PKD1L1: variants seen among roughly 807,000 people sequenced by gnomAD.
PKD1L1 encodes the protein polycystin 1 like 1, transient receptor potential channel interacting.
PKD1L1 carries 236 observed loss-of-function variants against 323.4 expected under a neutral mutation model. That is an observed-to-expected ratio of 0.73 (90% CI 0.66 to 0.81). The LOEUF is 0.81. Ranked by LOEUF, PKD1L1 falls within the 40% of genes least tolerant of loss-of-function variation. The pLI is 0.00. For missense variants in PKD1L1, 3,320 were observed against 3,508.0 expected, an observed-to-expected ratio of 0.95 and a Z score of 1.35; for synonymous variants, 1,344 against 1,335.0, an observed-to-expected ratio of 1.01 and a Z score of -0.15.
chr7:47,952,883 CCT>C (rs980348298), upstream of PKD1L1, among the ~76,000 whole-genome samples: 18 of 152,090 alleles, frequency 1.2e-4, no homozygotes, highest in Admixed American at 1.3e-4. Flanking sequence ...ATAAATGGCA[CCT>C]CTCTCTTCTG....
intron 16 of PKD1L1, among the ~76,000 whole-genome samples, chr7:47,890,309 A>G (rs1422215207): frequency 1.3e-5 from 2 of 152,200 alleles, no homozygotes; most frequent in African/African-American, 2.4e-5. Context: ...CGGCTGTGCC[A>G]GCTTTAGCTA....
chr7:47,775,283 C>G (rs1786542907), intron 56 of PKD1L1, 117 bp from the exon 57 acceptor site: 2 of 1,130,826 alleles, frequency 1.8e-6, no homozygotes, highest in Admixed American at 2.5e-5. Context: ...CATCAGCTAA[C>G]TTGACCAAGG....
intron 7 of PKD1L1, among the ~76,000 whole-genome samples, chr7:47,917,448 G>C (rs1787453325): frequency 6.6e-6 from 1 of 152,126 alleles, no homozygotes; most frequent in African/African-American, 2.4e-5. Flanking sequence ...CCTTGCTAGA[G>C]ACCCAGACAT....
upstream of PKD1L1, chr7:47,948,532 C>A: frequency 7.6e-7 from 1 of 1,307,532 alleles, no homozygotes; most frequent in South Asian, 1.2e-5. Flanking sequence ...TTAATGCTTC[C>A]AGCTTCTGTA....
In PKD1L1 at chr7:47,861,678, C is replaced by T. The variant is rs1011508841; in HGVS notation, c.4150-2793G>A. The stretch of plus-strand genomic sequence containing the variant: ...CGGGCGGATCACAAGGTCAGGAGAT[C>T]GAGACCATCCTGGCTAACACAGTGA... On this transcript the variant is annotated intron_variant, in intron 26 of 56. Transcript: ENST00000289672. Among the ~76,000 whole-genome samples the T allele has an allele frequency of 4.6e-5, 7 of 151,574 alleles. No individual in the cohort carries two copies. In the East Asian group the frequency reaches 1.2e-3, roughly 25 times the overall value.
chr7:47,788,603 A>AT (rs201264261), intron 56 of PKD1L1, among the ~76,000 whole-genome samples: 45 of 136,964 alleles, frequency 3.3e-4, no homozygotes, highest in South Asian at 2.3e-4. Flanking sequence ...TTTAATTTTA[A>AT]TTTTTTTTTT....
At chr7:47,826,019 C>T (rs1785234605) in intron 45 of PKD1L1, among the ~76,000 whole-genome samples, 1 of 152,118 alleles carries the variant, frequency 6.6e-6, no homozygotes, top group Non-Finnish European at 1.5e-5. Flanking sequence ...TTGGTTAGTT[C>T]TGAGGGCTGA....
At chr7:47,904,263 G>A (rs759362387) in intron 12 of PKD1L1, 115 bp downstream of exon 12, 14 of 1,396,908 alleles carry the variant, frequency 1.0e-5, no homozygotes, top group Non-Finnish European at 1.4e-5. Flanking sequence ...GTAATCATCT[G>A]TCACCTACGT....
chr7:47,780,977 A>T (rs533518049), intron 56 of PKD1L1, among the ~76,000 whole-genome samples: 1 of 152,222 alleles, frequency 6.6e-6, no homozygotes, highest in Non-Finnish European at 1.5e-5. Flanking sequence ...AGAAACTGCC[A>T]AACTATTTCC....
intron 56 of PKD1L1, among the ~76,000 whole-genome samples, chr7:47,779,822 T>A (rs893073855): frequency 6.6e-6 from 1 of 152,124 alleles, no homozygotes; most frequent in Admixed American, 6.6e-5. Context: ...GGAGCTTTCA[T>A]CTATAAAAGA....
At chr7:47,921,238 C>CAAAAAAAAA (rs139205889) in intron 7 of PKD1L1, among the ~76,000 whole-genome samples, 2 of 79,594 alleles carry the variant, frequency 2.5e-5, no homozygotes, top group African/African-American at 1.0e-4. Context: ...AGACAATTCT[C>CAAAAAAAAA]AAAAAAAAAA....
In PKD1L1 at chr7:47,855,216, G is replaced by A. The variant is rs1046600742; in HGVS notation, c.4640C>T (p.Pro1547Leu). Residue 1547 changes from proline to leucine, a missense_variant, in exon 29 of 57, where the codon CCC (proline) becomes CTC (leucine). Physicochemically the swap from Pro to Leu is moderately conservative, Grantham distance 98 (BLOSUM62 -3). Coordinates refer to ENST00000289672, the MANE Select transcript of PKD1L1 (RefSeq NM_138295.5). Reference protein sequence around the residue: ...LNLYTCSSRRPINRQWLRKPV... With the variant: ...LNLYTCSSRRLINRQWLRKPV... Reference sequence around the variant, plus strand: ...TTTCCTTAGCCATTGCCTGTTGATGGGTCTTCTGCTGGAGCAGGTATAGAG... The same window carrying A: ...TTTCCTTAGCCATTGCCTGTTGATGAGTCTTCTGCTGGAGCAGGTATAGAG... 7 of 1,613,988 alleles carry A rather than the reference G, an allele frequency of 4.3e-6. No homozygotes were observed. The Admixed American group carries it at 6.7e-5, about 15-fold the overall frequency.
At chr7:47,960,511 A>C in the PKD1L1 span, among the ~76,000 whole-genome samples, 17 of 151,484 alleles carry the variant, frequency 1.1e-4, no homozygotes, top group South Asian at 3.3e-3. Flanking sequence ...TTCAGAAATT[A>C]ACGTAAAATC....
In PKD1L1 at chr7:47,814,198, C is replaced by T. The variant is rs1784966509; in HGVS notation, c.7090-184G>A. ...AACATTCTAAGAAGGCAGCAACAAC[C>T]TCCCCAGACTTGTCCTGGAAAAGGG... On this transcript the variant is annotated intron_variant, in intron 47 of 56. Transcript: ENST00000289672. 2.6e-5 allele frequency among the ~76,000 whole-genome samples: 4 copies of T among 152,314 alleles called. No individual in the cohort carries two copies. In the South Asian group the frequency reaches 8.3e-4, roughly 32 times the overall value.
chr7:47,843,906 G>A (rs1406045966), intron 33 of PKD1L1, among the ~76,000 whole-genome samples: 1 of 152,098 alleles, frequency 6.6e-6, no homozygotes, highest in Non-Finnish European at 1.5e-5. Context: ...TCTGAGGATT[G>A]GGCTCTGCTC....
chr7:47,803,448 G>A, intron 52 of PKD1L1, 104 bp from the exon 53 acceptor site: 1 of 1,360,014 alleles, frequency 7.4e-7, no homozygotes, highest in Non-Finnish European at 1.0e-6. Context: ...TGGATTTGAT[G>A]ATGTTATATA....
rs1786764405 is a variant in PKD1L1, at chr7:47,784,507, T to C, written c.8526+8120A>G. On this transcript the variant is annotated intron_variant, in intron 56 of 56. Coordinates refer to ENST00000289672, the MANE Select transcript of PKD1L1 (RefSeq NM_138295.5). ...TTTTTTTTGAGACGGAGTTTCACTC[T>C]TGTTGCCCAAGCTAGAGTGCAATGG... Among the ~76,000 whole-genome samples, 3 of 152,240 alleles carry C rather than the reference T, an allele frequency of 2.0e-5. No individual in the cohort carries two copies. In the South Asian group the frequency reaches 6.2e-4, roughly 32 times the overall value.
chr7:47,843,033 G>A lies in PKD1L1; in HGVS notation c.5374C>T (p.Leu1792=). The part of the protein sequence containing the change: ...AGYIFLQEAS[L]PGHQLYAVVI... ...ACCGCATATAGCTGATGGCCCGGCA[G>A]GGAAGCTTCTTGCAGAAAGATGTAA... The change falls in exon 34 of 57, where the codon CTG becomes TTG. Residue 1792 remains leucine, a synonymous_variant. Transcript: ENST00000289672. 6.2e-7 allele frequency: 1 copy of A among 1,613,998 alleles called. No individual in the cohort carries two copies. Among genetic ancestry groups the A allele is most frequent in the African/African-American group, 1.3e-5 (1 of 75,024 alleles).
intron 37 of PKD1L1, among the ~76,000 whole-genome samples, chr7:47,835,974 T>C (rs918850202): frequency 5.9e-5 from 9 of 152,146 alleles, no homozygotes; most frequent in Non-Finnish European, 1.2e-4. Flanking sequence ...ACCCACAAGG[T>C]ACCAATGAAC....
Sources: gnomAD v4.1 joint callset for allele counts (sites outside exome capture counted in the v4.1 genomes callset) on GRCh38, gnomAD v4.1.1 for gene constraint, MANE v1.5 for transcripts, NCBI Gene and HGNC (gene_info 2026-07-23, HGNC 2026-07-21) for gene names.